The following BRINP3 variants were observed in gnomAD, a reference collection of about 807,000 sequenced individuals.
BRINP3 encodes the protein BMP/retinoic acid inducible neural specific 3.
Under a neutral mutation model 71.0 loss-of-function variants are expected in BRINP3, and 19 were observed. The ratio of observed to expected loss-of-function variants is 0.27; its 90% CI spans 0.19 to 0.39. The LOEUF is 0.39. Ranked by LOEUF, BRINP3 falls within the 10% of genes least tolerant of loss-of-function variation. The pLI, the probability that BRINP3 is intolerant of heterozygous loss-of-function variation, is 1.00. For synonymous variants in BRINP3, 380 were observed against 337.7 expected (o/e 1.13, Z -1.37); for missense variants, 959 against 940.8 (o/e 1.02, Z -0.25).
chr1:190,200,651 T>C (rs1020091805), intron 6 of BRINP3, among the ~76,000 whole-genome samples: 1 of 152,106 alleles, frequency 6.6e-6, no homozygotes, highest in Non-Finnish European at 1.5e-5. Context: ...AAATCTCATC[T>C]TGTGGCTCCC....
chr1:190,265,432 T>A (rs1344424988), intron 3 of BRINP3, among the ~76,000 whole-genome samples: 1 of 151,924 alleles, frequency 6.6e-6, no homozygotes, highest in South Asian at 2.1e-4. Flanking sequence ...CCGGGCACGG[T>A]GGCTCACGCC....
At chr1:190,309,865 T>TA (rs1296082999) in intron 2 of BRINP3, among the ~76,000 whole-genome samples, 2 of 151,772 alleles carry the variant, frequency 1.3e-5, no homozygotes, top group African/African-American at 4.8e-5. Context: ...AAAATAACAT[T>TA]TAAATCTCAA....
rs1660629798 is a variant in BRINP3, at chr1:190,256,025, A to G, written c.618+8840T>C. Among the ~76,000 whole-genome samples, 6 of 152,156 alleles carry G rather than the reference A, an allele frequency of 3.9e-5. No individual in the cohort carries two copies. In the South Asian group the frequency reaches 1.0e-3, roughly 26 times the overall value. The stretch of plus-strand genomic sequence containing the variant: ...TATTTCTGCCTTCATTTTGTCATTT[A>G]CCCAGTAGTCATTCAGGAGCCAGTT... On this transcript the variant is annotated intron_variant, in intron 4 of 7. Transcript: ENST00000367462.
intron 2 of BRINP3, among the ~76,000 whole-genome samples, chr1:190,355,281 G>T (rs1668657872): frequency 6.6e-6 from 1 of 151,724 alleles, no homozygotes; most frequent in East Asian, 1.9e-4. Flanking sequence ...ATGTAAATAA[G>T]AATGCACAGA....
At chr1:190,212,764 C>T (rs1399178632) in intron 6 of BRINP3, among the ~76,000 whole-genome samples, 2 of 152,080 alleles carry the variant, frequency 1.3e-5, no homozygotes, top group Non-Finnish European at 2.9e-5. Context: ...CCCATTGCCT[C>T]CATTACCAAA....
At chr1:190,361,479 T>C (rs554836866) in intron 2 of BRINP3, among the ~76,000 whole-genome samples, 7 of 152,268 alleles carry the variant, frequency 4.6e-5, no homozygotes, top group Admixed American at 1.3e-4. Flanking sequence ...TTCAGTTCAC[T>C]GCAACCCCCG....
intron 2 of BRINP3, among the ~76,000 whole-genome samples, chr1:190,337,496 A>G (rs765767779): frequency 5.3e-5 from 8 of 152,044 alleles, no homozygotes; most frequent in Admixed American, 2.6e-4. Flanking sequence ...GCAGAGGAAC[A>G]TGGAAGGGCT....
At chr1:190,178,408 T>C (rs1284420812) in intron 6 of BRINP3, among the ~76,000 whole-genome samples, 2 of 152,164 alleles carry the variant, frequency 1.3e-5, no homozygotes, top group Non-Finnish European at 2.9e-5. Flanking sequence ...GCAGTTTAAA[T>C]ATACTTAACC....
At chr1:190,366,087 A>T (rs1259611882) in intron 2 of BRINP3, among the ~76,000 whole-genome samples, 2 of 149,992 alleles carry the variant, frequency 1.3e-5, no homozygotes, top group Admixed American at 1.3e-4. Flanking sequence ...AGAAAGGATC[A>T]GATCGAATAA....
intron 2 of BRINP3, among the ~76,000 whole-genome samples, chr1:190,292,386 G>T (rs1056032358): frequency 6.6e-6 from 1 of 152,134 alleles, no homozygotes; most frequent in Non-Finnish European, 1.5e-5. Context: ...GGGCACAGTC[G>T]CTCATGCCTG....
At chr1:190,191,266 T>G (rs1267777620) in intron 6 of BRINP3, among the ~76,000 whole-genome samples, 1 of 152,112 alleles carries the variant, frequency 6.6e-6, no homozygotes, top group Admixed American at 6.6e-5. Flanking sequence ...AATTTAGAGC[T>G]ATAATACAGG....
intron 6 of BRINP3, among the ~76,000 whole-genome samples, chr1:190,200,774 T>TA (rs901404473): frequency 2.0e-5 from 3 of 152,094 alleles, no homozygotes; most frequent in Non-Finnish European, 2.9e-5. Flanking sequence ...ATCATGGTTA[T>TA]AAAAAACAGG....
chr1:190,458,916 G>A (rs560961969), intron 1 of BRINP3, among the ~76,000 whole-genome samples: 5 of 151,866 alleles, frequency 3.3e-5, no homozygotes, highest in African/African-American at 1.2e-4. Flanking sequence ...GACCATGGGA[G>A]AGTGATTTTA....
chr1:190,195,120 T>C (rs1183714150), intron 6 of BRINP3, among the ~76,000 whole-genome samples: 3 of 152,216 alleles, frequency 2.0e-5, no homozygotes, highest in African/African-American at 7.2e-5. Context: ...GAGCATTAGA[T>C]GTATTTTATA....
At chr1:190,134,273 T>C (rs920282514) in intron 7 of BRINP3, among the ~76,000 whole-genome samples, 2 of 152,002 alleles carry the variant, frequency 1.3e-5, no homozygotes, top group African/African-American at 4.8e-5. Flanking sequence ...CAAAAGGATA[T>C]GTGTTCCAGG....
intron 5 of BRINP3, among the ~76,000 whole-genome samples, chr1:190,230,368 G>T (rs1657851880): frequency 6.6e-6 from 1 of 151,892 alleles, no homozygotes; most frequent in Non-Finnish European, 1.5e-5. Context: ...TGACCAGCTG[G>T]TCAATGTTCT....
At chr1:190,425,951 T>C (rs1269857833) in intron 2 of BRINP3, among the ~76,000 whole-genome samples, 2 of 151,856 alleles carry the variant, frequency 1.3e-5, no homozygotes, top group Non-Finnish European at 2.9e-5. Flanking sequence ...CCCAGCATTT[T>C]ATTTTTAATC....
At chr1:190,240,762 C>A (rs930175421) in intron 4 of BRINP3, among the ~76,000 whole-genome samples, 2 of 150,356 alleles carry the variant, frequency 1.3e-5, no homozygotes, top group African/African-American at 4.9e-5. Context: ...ATCCCAGCTA[C>A]TCTGGAGGCT....
chr1:190,359,531 T>C (rs1295644469), intron 2 of BRINP3, among the ~76,000 whole-genome samples: 2 of 151,994 alleles, frequency 1.3e-5, no homozygotes, highest in Non-Finnish European at 2.9e-5. Flanking sequence ...GATGCTAAGG[T>C]GGGATGATCT....
Sources: allele counts gnomAD v4.1 joint callset (sites outside exome capture counted in the v4.1 genomes callset), GRCh38; gene constraint gnomAD v4.1.1; transcripts MANE v1.5; gene names NCBI Gene and HGNC (gene_info 2026-07-23, HGNC 2026-07-21).